ACTN1: variants seen among roughly 807,000 people sequenced by gnomAD.
ACTN1 encodes actinin alpha 1.
In ACTN1, 30 loss-of-function variants were observed where a neutral mutation model predicts 119.6. That is an observed-to-expected ratio of 0.25 (90% confidence interval 0.19 to 0.34). The LOEUF is 0.34. Among genes scored for constraint, ACTN1 ranks in the 10% least tolerant of loss-of-function variants. The pLI is 1.00. For missense variants in ACTN1, 764 were observed against 1,223.4 expected (o/e 0.62, Z 5.60); for synonymous variants, 429 against 472.6 (o/e 0.91, Z 1.20).
Position 68,912,150 on chromosome 14 carries a change from A to G in ACTN1, c.427+6T>C. 6.2e-7 allele frequency: 1 copy of G among 1,613,884 alleles called. No individual in the cohort carries two copies. Among genetic ancestry groups the G allele is most frequent in the Non-Finnish European group, 8.5e-7 (1 of 1,179,850 alleles). ...GATGGCGGGATGGAACAAAGCAGAA[A>G]CCCACCTTCCACGGAGATGTCCTGG... is the stretch of plus-strand genomic sequence containing the variant. On this transcript the variant is annotated splice_donor_region_variant and intron_variant, in intron 4 of 21. Transcript: ENST00000394419.
At chr14:68,887,468 G>C in intron 11 of ACTN1, 1 of 1,062,924 alleles carries the variant, frequency 9.4e-7, no homozygotes, top group South Asian at 1.4e-5. Flanking sequence ...AATATGCTTT[G>C]TATTATAGGA....
chr14:68,943,372 C>T (rs893124714), intron 1 of ACTN1, among the ~76,000 whole-genome samples: 1 of 152,196 alleles, frequency 6.6e-6, no homozygotes, highest in East Asian at 1.9e-4. Flanking sequence ...CAGGGCAGGA[C>T]GGGACAAGGG....
rs1025194894 is a variant in ACTN1, at chr14:68,956,809, C to T, written c.105+22143G>A. ...TCTCCTCAAGTCCCTCTCTCTCTCT[C>T]TCCCAGTTACCATGAATCTTAGTTG... is the stretch of plus-strand genomic sequence containing the variant. On this transcript the variant is annotated intron_variant, in intron 1 of 21. Coordinates refer to ENST00000394419, the MANE Select transcript of ACTN1 (RefSeq NM_001130004.2). Among the ~76,000 whole-genome samples, 21 of 152,282 alleles carry T rather than the reference C, an allele frequency of 1.4e-4. 1 individual carries two copies. Among genetic ancestry groups the T allele is most frequent in the Non-Finnish European group, 1.5e-5 (1 of 68,022 alleles).
rs1055860090 is a variant in ACTN1, at chr14:68,874,981, G to T, written c.2623C>A (p.Pro875Thr). Residue 875 changes from proline (P) to threonine (T), a missense_variant, in exon 22 of 22, where the codon CCA becomes ACA. Around this residue, in one of 4 missense-constraint regions of ACTN1, gnomAD observed 102 missense variants for 78.2 expected, o/e 1.30. Transcript: ENST00000394419. Reference sequence around the variant, plus strand: ...ATGCAGTACTCAGCCTGGTCGGGTGGCAGCTCGCGGCGCAGCTCGTCCATG... The same window carrying T: ...ATGCAGTACTCAGCCTGGTCGGGTGTCAGCTCGCGGCGCAGCTCGTCCATG... ...ITMDELRRELPPDQAEYCIAR... is the reference protein window; with the variant it reads ...ITMDELRRELTPDQAEYCIAR... 6.8e-6 allele frequency: 11 copies of T among 1,613,610 alleles called. No homozygotes were observed. Among genetic ancestry groups the T allele is most frequent in the Non-Finnish European group, 9.3e-6 (11 of 1,180,024 alleles).
At chr14:68,893,596 C>A in intron 9 of ACTN1, 59 bp downstream of exon 9, 1 of 1,503,508 alleles carries the variant, frequency 6.7e-7, no homozygotes, top group Non-Finnish European at 9.2e-7. Flanking sequence ...CTTGGAGGTA[C>A]ACGTTCTAGG....
chr14:68,874,196 G>C lies in ACTN1; in HGVS notation c.*663C>G, dbSNP rs1392847861. The C allele has an allele frequency of 1.3e-5, 2 of 152,210 alleles. No homozygotes were observed. The highest frequency in any genetic ancestry group is 2.4e-5 in the African/African-American group (1 of 41,404). The allele number at this position is 152,210 out of a possible 1,614,324, so 9.4% of individuals were successfully genotyped here. ...AAAGTTGTCCATACTCTCCAAGTTT[G>C]TCCTATTTTTAATAGACAATATTAA... On this transcript the variant is annotated 3_prime_UTR_variant, in exon 22 of 22. Transcript: ENST00000394419.
chr14:68,970,581 G>C (rs72733556), intron 1 of ACTN1, among the ~76,000 whole-genome samples: 20,790 of 152,162 alleles, frequency 0.14, 1,604 homozygotes, highest in Admixed American at 0.23. Flanking sequence ...ACCAAAACAA[G>C]AGAGAAGGGG....
chr14:68,896,218 C>T (rs1397267591), intron 8 of ACTN1, among the ~76,000 whole-genome samples: 16 of 152,246 alleles, frequency 1.1e-4, no homozygotes, highest in African/African-American at 2.4e-4. Context: ...AAAAAAACTA[C>T]GGCAGAATCC....
At chr14:68,903,210 C>T (rs917558986) in intron 7 of ACTN1, among the ~76,000 whole-genome samples, 1 of 152,178 alleles carries the variant, frequency 6.6e-6, no homozygotes, top group African/African-American at 2.4e-5. Context: ...GAAAGGTCAT[C>T]GTGCTATTCT....
chr14:68,951,104 C>T (rs2036150529), intron 1 of ACTN1, among the ~76,000 whole-genome samples: 1 of 152,118 alleles, frequency 6.6e-6, no homozygotes, highest in Non-Finnish European at 1.5e-5. Flanking sequence ...CTTCCCTGGC[C>T]CCCCGCCCTT....
intron 6 of ACTN1, 89 bp from the exon 7 acceptor site, chr14:68,904,825 G>T: frequency 9.2e-7 from 1 of 1,091,884 alleles, no homozygotes; most frequent in Non-Finnish European, 1.4e-6. Context: ...CCAAACTGGG[G>T]AGCAGAGCGA....
chr14:68,912,450 C>T (rs1044009284), intron 3 of ACTN1, among the ~76,000 whole-genome samples: 4 of 152,192 alleles, frequency 2.6e-5, no homozygotes, highest in Admixed American at 1.3e-4. Flanking sequence ...GCAATCATGG[C>T]TCACTGCAGC....
At chr14:68,974,879 G>A (rs1216612814) in intron 1 of ACTN1, among the ~76,000 whole-genome samples, 1 of 152,210 alleles carries the variant, frequency 6.6e-6, no homozygotes, top group African/African-American at 2.4e-5. Flanking sequence ...GCACATCTGT[G>A]ACTAGGCCAC....
At chr14:68,917,590 A>G (rs2034373199) in intron 3 of ACTN1, among the ~76,000 whole-genome samples, 1 of 151,920 alleles carries the variant, frequency 6.6e-6, no homozygotes, top group African/African-American at 2.4e-5. Context: ...ACTCCATTTC[A>G]CTTTTAAAAG....
In ACTN1 at chr14:68,877,143, G is replaced by C; in HGVS notation, c.2525C>G (p.Thr842Arg). The change falls in exon 21 of 22, where the codon ACA becomes AGA. Residue 842 changes from threonine to arginine, a missense_variant. Thr to Arg is a moderately conservative substitution (Grantham distance 71). Around this residue, in one of 4 missense-constraint regions of ACTN1, gnomAD observed 544 missense variants for 912.0 expected, o/e 0.60. Transcript: ENST00000394419. ...TTGGTCTGCTGTATCTGTGTCGGCTGTCTCGCGGGACATGAAGTCAATGAA... is the reference window on the plus strand; with the variant it reads ...TTGGTCTGCTGTATCTGTGTCGGCTCTCTCGCGGGACATGAAGTCAATGAA... ...QAFIDFMSRETADTDTADQVM... is the reference protein window; with the variant it reads ...QAFIDFMSRERADTDTADQVM... 1 of 1,614,144 alleles carries C rather than the reference G, an allele frequency of 6.2e-7. No individual in the cohort carries two copies. The highest frequency in any genetic ancestry group is 8.5e-7 in the Non-Finnish European group (1 of 1,180,026).
In ACTN1 at chr14:68,925,755, G is replaced by A; in HGVS notation, c.106-83C>T. The A allele has an allele frequency of 2.7e-6, 3 of 1,095,776 alleles. No homozygotes were observed. Among genetic ancestry groups the A allele is most frequent in the Non-Finnish European group, 4.0e-6 (3 of 744,102 alleles). 67.9% of individuals were successfully genotyped at this position (1,095,776 alleles called of 1,614,324 possible). A position where few individuals can be genotyped will look rare whatever the true frequency, so the allele number is the denominator to read the frequency against. ...ACAAGCCATTTAATGGTGCCAGGGG[G>A]TGGGAGGTGGACACCTACTCAGCAG... is the stretch of plus-strand genomic sequence containing the variant. On this transcript the variant is annotated intron_variant, in intron 1 of 21. Transcript: ENST00000394419. The surrounding 1 kb of genome is among the most constrained non-coding windows in gnomAD (Gnocchi z 4.3).
intron 11 of ACTN1, chr14:68,886,313 A>C (rs1355603389): frequency 1.3e-5 from 2 of 152,098 alleles, no homozygotes; most frequent in Non-Finnish European, 2.9e-5. Context: ...GCTGGGAGCC[A>C]AGGTTGTGTC....
At chr14:68,910,451 C>A (rs2140293002) in intron 4 of ACTN1, among the ~76,000 whole-genome samples, 2 of 152,278 alleles carry the variant, frequency 1.3e-5, no homozygotes, top group South Asian at 2.1e-4. Flanking sequence ...CTGAGGGGTG[C>A]ACACAGCTGA....
In ACTN1 at chr14:68,879,094, C is replaced by G; in HGVS notation, c.2281-25G>C. ...CCTGGGGCCGCGGTGCGCCAGGCAG[C>G]GAGCCATGCGGTGTCAGGGAGGTGG... On this transcript the variant is annotated intron_variant, in intron 18 of 21. Coordinates refer to ENST00000394419, the MANE Select transcript of ACTN1 (RefSeq NM_001130004.2). This position sits in a 1 kb window ranked among gnomAD's most constrained non-coding sequence, Gnocchi z 4.9. 1 of 1,565,336 alleles carries G rather than the reference C, an allele frequency of 6.4e-7. No individual in the cohort carries two copies. Among genetic ancestry groups the G allele is most frequent in the Non-Finnish European group, 8.7e-7 (1 of 1,151,772 alleles).
Sources: allele counts gnomAD v4.1 joint callset (sites outside exome capture counted in the v4.1 genomes callset), GRCh38; gene constraint gnomAD v4.1.1; regional missense constraint gnomAD v4.1.1; non-coding constraint Gnocchi (gnomAD v3.1); transcripts MANE v1.5; gene names NCBI Gene and HGNC (gene_info 2026-07-23, HGNC 2026-07-21).